B3GALT1: variants seen among roughly 807,000 people sequenced by gnomAD.
B3GALT1 encodes beta-1,3-galactosyltransferase 1.
In B3GALT1, 10 loss-of-function variants were observed where a neutral mutation model predicts 23.2. The ratio of observed to expected loss-of-function variants is 0.43; its 90% CI spans 0.27 to 0.73. The LOEUF is 0.73. B3GALT1 is among the 30% of genes least tolerant of loss of function. The pLI is 0.21. For synonymous variants in B3GALT1, 156 were observed against 141.5 expected (o/e 1.10, Z -0.73); for missense variants, 299 against 405.4 (o/e 0.74, Z 2.25).
intron 3 of B3GALT1, among the ~76,000 whole-genome samples, chr2:167,760,115 G>A (rs1437877229): frequency 6.6e-6 from 1 of 152,134 alleles, no homozygotes; most frequent in African/African-American, 2.4e-5. Context: ...TGAGAGTTCA[G>A]TTAAGGATAC....
chr2:167,595,603 C>A (rs933838932), intron 2 of B3GALT1, among the ~76,000 whole-genome samples: 4 of 152,108 alleles, frequency 2.6e-5, no homozygotes, highest in Admixed American at 2.6e-4. Context: ...ACCATGGCAA[C>A]CCCTAACAAT....
intron 3 of B3GALT1, chr2:167,714,263 T>C: frequency 6.7e-7 from 1 of 1,502,244 alleles, no homozygotes; most frequent in Non-Finnish European, 9.3e-7. Context: ...CATCCTACGG[T>C]CCTGTTCCCA....
intron 2 of B3GALT1, among the ~76,000 whole-genome samples, chr2:167,492,204 C>A (rs755710488): frequency 6.6e-6 from 1 of 152,160 alleles, no homozygotes; most frequent in African/African-American, 2.4e-5. Flanking sequence ...TGACCTTTTC[C>A]AGAATGACAT....
intron 1 of B3GALT1, among the ~76,000 whole-genome samples, chr2:167,478,406 C>T (rs1366604862): frequency 3.3e-5 from 5 of 152,060 alleles, no homozygotes; most frequent in African/African-American, 1.2e-4. Context: ...AAGTCAGTTC[C>T]GTCAATCATT....
intron 2 of B3GALT1, among the ~76,000 whole-genome samples, chr2:167,545,617 C>T (rs1683624015): frequency 6.6e-6 from 1 of 152,144 alleles, no homozygotes; most frequent in South Asian, 2.1e-4. Context: ...CTCAATGGCA[C>T]AGTCCTGTAC....
chr2:167,828,367 C>T (rs1028074587), intron 4 of B3GALT1, among the ~76,000 whole-genome samples: 17 of 152,104 alleles, frequency 1.1e-4, no homozygotes, highest in African/African-American at 4.1e-4. Flanking sequence ...GATGAACTGC[C>T]GAATGAATTA....
chr2:167,782,635 A>C (rs1274015503), intron 3 of B3GALT1, among the ~76,000 whole-genome samples: 1 of 152,238 alleles, frequency 6.6e-6, no homozygotes, highest in Admixed American at 6.5e-5. Context: ...TATCTCAGCT[A>C]TTCCATAAAT....
At chr2:167,682,091 A>G (rs1052799684) in intron 3 of B3GALT1, among the ~76,000 whole-genome samples, 2 of 151,932 alleles carry the variant, frequency 1.3e-5, no homozygotes, top group Non-Finnish European at 2.9e-5. Flanking sequence ...CCCTTGTTCT[A>G]TGACTCACTT....
At chr2:167,624,051 A>G (rs992958771) in intron 2 of B3GALT1, among the ~76,000 whole-genome samples, 6 of 152,086 alleles carry the variant, frequency 3.9e-5, no homozygotes, top group African/African-American at 1.4e-4. Flanking sequence ...TGAAGGGTGC[A>G]TATAATTTAG....
chr2:167,682,609 C>T (rs759660150), intron 3 of B3GALT1, among the ~76,000 whole-genome samples: 14 of 152,326 alleles, frequency 9.2e-5, no homozygotes, highest in East Asian at 3.9e-4. Flanking sequence ...AAAGCCAAGC[C>T]GTCCCGAGAT....
chr2:167,585,369 TTAA>T (rs982826989), intron 2 of B3GALT1, among the ~76,000 whole-genome samples: 47 of 152,316 alleles, frequency 3.1e-4, no homozygotes, highest in African/African-American at 1.1e-3. Context: ...GAAAAGCCCC[TTAA>T]TAATTGGGCA....
intron 1 of B3GALT1, among the ~76,000 whole-genome samples, chr2:167,305,402 CAATT>C (rs1335323991): frequency 6.6e-6 from 1 of 152,024 alleles, no homozygotes; most frequent in East Asian, 1.9e-4. Flanking sequence ...ACCTGATGAA[CAATT>C]AATATTTTTT....
intron 3 of B3GALT1, among the ~76,000 whole-genome samples, chr2:167,660,140 T>C (rs1048231777): frequency 6.6e-6 from 1 of 152,104 alleles, no homozygotes; most frequent in Non-Finnish European, 1.5e-5. Context: ...ATTTGAAGTT[T>C]ATGCAGCATG....
chr2:167,333,297 T>A (rs953050545), intron 1 of B3GALT1, among the ~76,000 whole-genome samples: 1 of 152,230 alleles, frequency 6.6e-6, no homozygotes. Flanking sequence ...CTCCCTAGTT[T>A]ACTTCATGGA....
chr2:167,654,763 T>C (rs549546026), intron 3 of B3GALT1, among the ~76,000 whole-genome samples: 1 of 151,596 alleles, frequency 6.6e-6, no homozygotes, highest in East Asian at 1.9e-4. Flanking sequence ...CCCGAAATGC[T>C]GAAAATAGAG....
chr2:167,775,580 A>AC (rs1023706343), intron 3 of B3GALT1, among the ~76,000 whole-genome samples: 2 of 151,672 alleles, frequency 1.3e-5, no homozygotes, highest in Non-Finnish European at 2.9e-5. Context: ...AAAAAAAAAA[A>AC]AACAAAACAC....
intron 1 of B3GALT1, among the ~76,000 whole-genome samples, chr2:167,380,542 T>TAAAATGCCTACAC (rs1697834505): frequency 6.6e-6 from 1 of 152,018 alleles, no homozygotes; most frequent in South Asian, 2.1e-4. Context: ...GGCCCCAAAC[T>TAAAATGCCTACAC]AAAATGCCTA....
intron 3 of B3GALT1, among the ~76,000 whole-genome samples, chr2:167,704,013 C>G (rs922669443): frequency 2.6e-5 from 4 of 151,894 alleles, no homozygotes. Context: ...AACCCCGTCT[C>G]TACTAAAAAT....
rs551716307 is a variant in B3GALT1, at chr2:167,765,658, G to A, written c.-351-53014G>A. Among the ~76,000 whole-genome samples, 3 of 152,216 alleles carry A rather than the reference G, an allele frequency of 2.0e-5. No individual in the cohort carries two copies. The South Asian group carries it at 6.2e-4, about 32-fold the overall frequency. On this transcript the variant is annotated intron_variant, in intron 3 of 4. Coordinates refer to ENST00000392690, the MANE Select transcript of B3GALT1 (RefSeq NM_020981.4). ...TTAAAAACCAGCATTAATACAAGGAGCAAATAAATTTTCATGACAAAAGGA... is the reference window on the plus strand; with the variant it reads ...TTAAAAACCAGCATTAATACAAGGAACAAATAAATTTTCATGACAAAAGGA...
Sources: allele counts gnomAD v4.1 joint callset (sites outside exome capture counted in the v4.1 genomes callset), GRCh38; gene constraint gnomAD v4.1.1; transcripts MANE v1.5; gene names NCBI Gene and HGNC (gene_info 2026-07-23, HGNC 2026-07-21).